The following SLC24A2 variants were observed in gnomAD, a reference collection of about 807,000 sequenced individuals.
The protein encoded by SLC24A2 is solute carrier family 24 member 2.
Under a neutral mutation model 62.0 loss-of-function variants are expected in SLC24A2, and 36 were observed. The observed-to-expected ratio is 0.58, with a 90% CI of 0.44 to 0.77. SLC24A2 has a LOEUF of 0.77. Among genes scored for constraint, SLC24A2 ranks in the 30% least tolerant of loss-of-function variants. The pLI, the probability that SLC24A2 is intolerant of heterozygous loss-of-function variation, is 0.00. For synonymous variants in SLC24A2, 358 were observed against 294.0 expected (o/e 1.22, Z -2.23); for missense variants, 846 against 817.9 (o/e 1.03, Z -0.42).
chr9:19,771,327 A>C lies in SLC24A2; in HGVS notation c.930+14610T>G, dbSNP rs370114044. Among the ~76,000 whole-genome samples the C allele has an allele frequency of 5.3e-5, 8 of 152,288 alleles. No homozygotes were observed. In the East Asian group the frequency reaches 1.5e-3, roughly 29 times the overall value. The stretch of plus-strand genomic sequence containing the variant: ...TGTCCTGTTCTATTTATTTTCCTCA[A>C]GTGTGTGTGACTTGCAGAGCATTAA... On this transcript the variant is annotated intron_variant, in intron 2 of 10. Coordinates refer to ENST00000341998, the MANE Select transcript of SLC24A2 (RefSeq NM_020344.4).
At chr9:20,133,792 G>C in the SLC24A2 span, among the ~76,000 whole-genome samples, 1 of 152,144 alleles carries the variant, frequency 6.6e-6, no homozygotes, top group African/African-American at 2.4e-5. Context: ...CAACTGAACA[G>C]TAAGCTCAGC....
chr9:20,247,049 C>G, the SLC24A2 span, among the ~76,000 whole-genome samples: 2 of 152,210 alleles, frequency 1.3e-5, no homozygotes, highest in African/African-American at 4.8e-5. Context: ...TGTGAGACCA[C>G]TTATATCTTG....
At chr9:20,282,033 C>T in the SLC24A2 span, among the ~76,000 whole-genome samples, 3 of 152,146 alleles carry the variant, frequency 2.0e-5, no homozygotes, top group Non-Finnish European at 4.4e-5. Context: ...GGAGATGGAA[C>T]ATTTTAGCAG....
chr9:19,972,880 T>C, the SLC24A2 span, among the ~76,000 whole-genome samples: 6 of 152,186 alleles, frequency 3.9e-5, no homozygotes, highest in Non-Finnish European at 8.8e-5. Flanking sequence ...AACTCAAGTC[T>C]TAATCTAATG....
the SLC24A2 span, among the ~76,000 whole-genome samples, chr9:20,181,123 G>C: frequency 6.6e-6 from 1 of 152,062 alleles, no homozygotes; most frequent in African/African-American, 2.4e-5. Context: ...AGCCCAGATT[G>C]TTAGGGATAC....
At chr9:20,041,961 A>T in the SLC24A2 span, among the ~76,000 whole-genome samples, 1 of 152,196 alleles carries the variant, frequency 6.6e-6, no homozygotes, top group African/African-American at 2.4e-5. Context: ...CAGACTCTGC[A>T]CTGTGGCCGC....
chr9:19,518,042 C>A (rs554463321), intron 10 of SLC24A2, among the ~76,000 whole-genome samples: 1 of 151,224 alleles, frequency 6.6e-6, no homozygotes, highest in East Asian at 2.0e-4. Context: ...ACTTTTCATG[C>A]CTTTTGGTCT....
the SLC24A2 span, among the ~76,000 whole-genome samples, chr9:20,063,284 C>T: frequency 6.6e-6 from 1 of 151,134 alleles, no homozygotes; most frequent in Non-Finnish European, 1.5e-5. Context: ...AAATGTGGCA[C>T]ATATACACCA....
the SLC24A2 span, among the ~76,000 whole-genome samples, chr9:20,302,370 T>C: frequency 3.3e-5 from 5 of 152,366 alleles, no homozygotes; most frequent in East Asian, 9.7e-4. Context: ...AGAGCTCCTG[T>C]TGCTTCCCAT....
chr9:20,143,890 A>G, the SLC24A2 span, among the ~76,000 whole-genome samples: 1 of 152,234 alleles, frequency 6.6e-6, no homozygotes, highest in African/African-American at 2.4e-5. Flanking sequence ...TTATCATAAC[A>G]TCTAGAATTC....
chr9:19,508,006 C>T lies in SLC24A2; in HGVS notation c.*8147G>A, dbSNP rs540833435. On this transcript the variant is annotated 3_prime_UTR_variant, in exon 11 of 11. Coordinates refer to ENST00000341998, the MANE Select transcript of SLC24A2 (RefSeq NM_020344.4). Reference sequence around the variant, plus strand: ...TTGACAACATTTTCTTTGTTTTAACCGTATCTGAAGAACAAAAGTATAATT... The same window carrying T: ...TTGACAACATTTTCTTTGTTTTAACTGTATCTGAAGAACAAAAGTATAATT... 6 of 152,276 alleles carry T rather than the reference C, an allele frequency of 3.9e-5. No homozygotes were observed. Among genetic ancestry groups the T allele is most frequent in the East Asian group, 3.9e-4 (2 of 5,176 alleles). 9.4% of individuals were successfully genotyped at this position (152,276 alleles called of 1,614,324 possible).
At chr9:19,837,446 G>C in the SLC24A2 span, among the ~76,000 whole-genome samples, 32 of 99,210 alleles carry the variant, frequency 3.2e-4, no homozygotes, top group African/African-American at 1.2e-3. Context: ...GCGACAGAGC[G>C]AGACTCCGTC....
the SLC24A2 span, among the ~76,000 whole-genome samples, chr9:20,300,731 T>C: frequency 1.1e-4 from 16 of 152,172 alleles, no homozygotes; most frequent in African/African-American, 3.9e-4. Flanking sequence ...GCTAAAGTCA[T>C]TCTATTTAAA....
the SLC24A2 span, among the ~76,000 whole-genome samples, chr9:19,807,784 G>C: frequency 2.1e-4 from 32 of 152,242 alleles, no homozygotes; most frequent in African/African-American, 7.5e-4. Context: ...TTGTGTAAGG[G>C]CTAGTTTACA....
chr9:20,135,113 C>A, the SLC24A2 span, among the ~76,000 whole-genome samples: 1 of 152,084 alleles, frequency 6.6e-6, no homozygotes, highest in Non-Finnish European at 1.5e-5. Flanking sequence ...GGATAAGACT[C>A]AAATCCTTCA....
the SLC24A2 span, among the ~76,000 whole-genome samples, chr9:20,079,288 T>G: frequency 6.6e-6 from 1 of 152,172 alleles, no homozygotes; most frequent in African/African-American, 2.4e-5. Flanking sequence ...GCCACAAAAT[T>G]TATGGTAATT....
At chr9:19,584,940 T>G (rs1836325313) in intron 5 of SLC24A2, among the ~76,000 whole-genome samples, 1 of 152,148 alleles carries the variant, frequency 6.6e-6, no homozygotes, top group Non-Finnish European at 1.5e-5. Context: ...TAGTAAATAT[T>G]TTGTTAATGA....
chr9:19,791,728 G>T (rs1823322640), upstream of SLC24A2, among the ~76,000 whole-genome samples: 1 of 152,132 alleles, frequency 6.6e-6, no homozygotes, highest in South Asian at 2.1e-4. Flanking sequence ...ATAAAGAAAG[G>T]GTAGCTTCAG....
chr9:20,073,262 G>A, the SLC24A2 span, among the ~76,000 whole-genome samples: 1 of 152,254 alleles, frequency 6.6e-6, no homozygotes, highest in East Asian at 1.9e-4. Flanking sequence ...AGCTGTAGAA[G>A]TTATGGTGTT....
Sources: allele counts gnomAD v4.1 joint callset (sites outside exome capture counted in the v4.1 genomes callset), GRCh38; gene constraint gnomAD v4.1.1; transcripts MANE v1.5; gene names NCBI Gene and HGNC (gene_info 2026-07-23, HGNC 2026-07-21).